Variants in PCDH15 observed in about 807,000 individuals in gnomAD.
PCDH15 encodes protocadherin-15.
In PCDH15, 129 loss-of-function variants were observed where a neutral mutation model predicts 178.5. The ratio of observed to expected loss-of-function variants is 0.72; its 90% confidence interval spans 0.63 to 0.84. The LOEUF (loss-of-function observed/expected upper bound fraction) is 0.84. Ranked by LOEUF, PCDH15 falls within the 40% of genes least tolerant of loss-of-function variation. The probability of loss-of-function intolerance (pLI) is 0.00; values close to 1 mark genes in which losing one functional copy is unlikely to be tolerated. For missense variants in PCDH15, 2,230 were observed against 2,099.9 expected (o/e 1.06, Z -1.21); for synonymous variants, 800 against 732.0 (o/e 1.09, Z -1.50).
chr10:54,240,278 A>C (rs2055102809), intron 8 of PCDH15, among the ~76,000 whole-genome samples: 1 of 151,292 alleles, frequency 6.6e-6, no homozygotes, highest in African/African-American at 2.4e-5. Context: ...ATTTTTTTTT[A>C]ACAACAGGGT....
chr10:53,928,743 G>A (rs2133956700), intron 25 of PCDH15, among the ~76,000 whole-genome samples: 1 of 151,882 alleles, frequency 6.6e-6, no homozygotes, highest in African/African-American at 2.4e-5. Context: ...TATCACTTTG[G>A]GGCCTCATTA....
intron 21 of PCDH15, among the ~76,000 whole-genome samples, chr10:53,971,252 A>G (rs1034449140): frequency 2.6e-5 from 4 of 152,208 alleles, no homozygotes; most frequent in African/African-American, 9.7e-5. Flanking sequence ...TCCTGCTAAA[A>G]ACTCTCAATA....
intron 2 of PCDH15, among the ~76,000 whole-genome samples, chr10:55,157,123 CTATA>C (rs1412764912): frequency 9.7e-6 from 1 of 103,086 alleles, no homozygotes; most frequent in African/African-American, 2.7e-5. Flanking sequence ...GTCATTCTAT[CTATA>C]TCTATCTATC....
At chr10:54,239,959 T>C (rs1283394030) in intron 8 of PCDH15, among the ~76,000 whole-genome samples, 3 of 152,092 alleles carry the variant, frequency 2.0e-5, no homozygotes, top group Non-Finnish European at 2.9e-5. Flanking sequence ...CATTAAAGAA[T>C]ACTAAAAATT....
chr10:55,462,538 A>T (rs1245964312), intron 2 of PCDH15, among the ~76,000 whole-genome samples: 1 of 152,146 alleles, frequency 6.6e-6, no homozygotes, highest in Non-Finnish European at 1.5e-5. Flanking sequence ...AGTTATGTTC[A>T]TTAGTAAAAT....
intron 10 of PCDH15, among the ~76,000 whole-genome samples, chr10:54,208,477 A>T (rs2051059153): frequency 6.6e-6 from 1 of 151,978 alleles, no homozygotes; most frequent in Non-Finnish European, 1.5e-5. Flanking sequence ...GTGTCCTTAC[A>T]AAAGGTACCC....
rs1221616871 is a variant in PCDH15 at position 54,508,122 on chromosome 10, CAT to C, written c.157+19688_157+19689del. Among the ~76,000 whole-genome samples, 8 of 152,036 alleles carry C rather than the reference CAT, an allele frequency of 5.3e-5. No homozygotes were observed. The East Asian group carries it at 1.4e-3, about 26-fold the overall frequency. On this transcript the variant is annotated intron_variant, in intron 3 of 37. Coordinates refer to ENST00000644397, the MANE Select transcript of PCDH15 (RefSeq NM_001384140.1). ...TTTTCCCAAGATCATGTAACTAGGA[CAT>C]AGAGTATCTGGAGTTAACATCCTAC...
intron 2 of PCDH15, among the ~76,000 whole-genome samples, chr10:54,968,918 C>T (rs1257411091): frequency 6.6e-6 from 1 of 151,962 alleles, no homozygotes; most frequent in African/African-American, 2.4e-5. Context: ...TTAATCCTAT[C>T]CAGTATATTT....
intron 3 of PCDH15, among the ~76,000 whole-genome samples, chr10:54,837,256 C>A (rs1591731823): frequency 6.6e-6 from 1 of 151,746 alleles, no homozygotes; most frequent in Admixed American, 6.6e-5. Context: ...TATGTTACAC[C>A]CAGTCAGGAC....
At chr10:54,394,594 C>T (rs1950966504) in intron 3 of PCDH15, among the ~76,000 whole-genome samples, 1 of 152,088 alleles carries the variant, frequency 6.6e-6, no homozygotes, top group Non-Finnish European at 1.5e-5. Flanking sequence ...GACCGCAGGA[C>T]CGAGGTGAAA....
chr10:54,998,198 T>C (rs1403351730), intron 2 of PCDH15, among the ~76,000 whole-genome samples: 2 of 152,080 alleles, frequency 1.3e-5, no homozygotes, highest in Non-Finnish European at 2.9e-5. Context: ...TAAAATAAAA[T>C]GAGTGGTTAC....
intron 2 of PCDH15, among the ~76,000 whole-genome samples, chr10:55,517,660 T>C (rs1376324665): frequency 1.3e-5 from 2 of 152,140 alleles, no homozygotes; most frequent in South Asian, 2.1e-4. Context: ...ATTTACCTCA[T>C]AGAATAATAA....
At chr10:54,461,993 A>G (rs912784824) in intron 3 of PCDH15, among the ~76,000 whole-genome samples, 3 of 152,070 alleles carry the variant, frequency 2.0e-5, no homozygotes, top group Non-Finnish European at 4.4e-5. Flanking sequence ...AAATTTAACA[A>G]TTTTATTATA....
At chr10:54,642,647 T>C (rs528722037) in intron 2 of PCDH15, among the ~76,000 whole-genome samples, 1 of 152,324 alleles carries the variant, frequency 6.6e-6, no homozygotes, top group African/African-American at 2.4e-5. Context: ...TTTCTCTTAC[T>C]AAAGACATTA....
At chr10:54,900,588 C>T (rs145785465) in intron 2 of PCDH15, among the ~76,000 whole-genome samples, 1 of 152,034 alleles carries the variant, frequency 6.6e-6, no homozygotes, top group Admixed American at 6.6e-5. Context: ...TTCAGGAATG[C>T]CTTTGACATT....
At chr10:54,509,762 G>T (rs1164391610) in intron 3 of PCDH15, among the ~76,000 whole-genome samples, 1 of 152,066 alleles carries the variant, frequency 6.6e-6, no homozygotes, top group Non-Finnish European at 1.5e-5. Flanking sequence ...TGAAAACTCA[G>T]TGCCAACAAA....
At chr10:54,264,152 C>T (rs1216660827) in intron 8 of PCDH15, among the ~76,000 whole-genome samples, 1 of 152,074 alleles carries the variant, frequency 6.6e-6, no homozygotes, top group Non-Finnish European at 1.5e-5. Context: ...TGCAGATGGC[C>T]TATTGTGGGA....
chr10:53,810,558 C>T lies in PCDH15; in HGVS notation c.4669G>A (p.Glu1557Lys), dbSNP rs749970581. The T allele has an allele frequency of 1.2e-6, 2 of 1,612,452 alleles. No individual in the cohort carries two copies. The highest frequency in any genetic ancestry group is 1.7e-6 in the Non-Finnish European group (2 of 1,178,814). ...CATAATAAAATTACAGTAATTACCT[C>T]TTCCTCCTCATATTCTTCCTCAGCT... ...GEAEEEYEEE[E>K]WARKRMIKLV... The change falls in exon 37 of 38, where the codon GAG becomes AAG. Residue 1557 changes from glutamate (E) to lysine (K), a missense_variant and splice_region_variant. Transcript: ENST00000644397.
At chr10:54,729,279 A>T (rs564249559) in intron 1 of PCDH15, among the ~76,000 whole-genome samples, 2 of 151,700 alleles carry the variant, frequency 1.3e-5, no homozygotes, top group Non-Finnish European at 3.0e-5. Flanking sequence ...ATTTATAACC[A>T]TCTAATCTGG....
Sources: gnomAD v4.1 joint callset for allele counts (sites outside exome capture counted in the v4.1 genomes callset) on GRCh38, gnomAD v4.1.1 for gene constraint, MANE v1.5 for transcripts, NCBI Gene and HGNC (gene_info 2026-07-23, HGNC 2026-07-21) for gene names.